The following DOP1B variants were observed in gnomAD, a reference collection of about 807,000 sequenced individuals.
DOP1B encodes the protein DOP1 leucine zipper like protein B, also known as protein DOP1B.
A neutral mutation model predicts 233.5 loss-of-function variants in DOP1B; 174 were observed. That is an observed-to-expected ratio of 0.75 (90% CI 0.66 to 0.85). DOP1B has a LOEUF of 0.85. DOP1B is among the 40% of genes least tolerant of loss of function. The pLI is 0.00. For missense variants in DOP1B, 2,652 were observed against 2,846.6 expected (o/e 0.93, Z 1.56); for synonymous variants, 1,190 against 1,185.6 (o/e 1.00, Z -0.08).
At chr21:36,206,178 A>G (rs977942512) in intron 4 of DOP1B, among the ~76,000 whole-genome samples, 6 of 152,260 alleles carry the variant, frequency 3.9e-5, no homozygotes, top group South Asian at 4.1e-4. Flanking sequence ...TGTTGTTTCT[A>G]CTATGATGTC....
intron 2 of DOP1B, among the ~76,000 whole-genome samples, chr21:36,181,287 T>A (rs1250828100): frequency 6.6e-6 from 1 of 152,106 alleles, no homozygotes; most frequent in Non-Finnish European, 1.5e-5. Flanking sequence ...GTCTTCTTTT[T>A]TTTTTTTTTG....
In DOP1B at chr21:36,230,517, A is replaced by T. The variant is rs1294836089; in HGVS notation, c.1733A>T (p.Asp578Val). ...ETKAVIPGDEDASFPPLKSED... is the reference protein window; with the variant it reads ...ETKAVIPGDEVASFPPLKSED... ...AAGGCAGTGATTCCCGGTGACGAAG[A>T]TGCTTCGTTTCCCCCTCTGAAGTCT... The change falls in exon 14 of 37, where the codon GAT becomes GTT. Residue 578 changes from aspartate (D) to valine (V), a missense_variant. Physicochemically the swap from Asp to Val is radical, Grantham distance 152 (BLOSUM62 -3). This residue lies in a region of DOP1B where 2,617 missense variants were observed against 2,794.3 expected (regional missense o/e 0.94). Transcript: ENST00000691173. 3 of 1,613,750 alleles carry T rather than the reference A, an allele frequency of 1.9e-6. No individual in the cohort carries two copies. The highest frequency in any genetic ancestry group is 2.5e-6 in the Non-Finnish European group (3 of 1,179,746).
chr21:36,225,138 A>T (rs2066667509), intron 11 of DOP1B, among the ~76,000 whole-genome samples: 1 of 152,156 alleles, frequency 6.6e-6, no homozygotes, highest in South Asian at 2.1e-4. Flanking sequence ...TAGTTATGAG[A>T]ACTACAAAAG....
chr21:36,181,472 T>C (rs12329673), intron 2 of DOP1B, among the ~76,000 whole-genome samples: 21,347 of 149,940 alleles, frequency 0.14, 1,813 homozygotes, highest in South Asian at 0.22. Context: ...AGAGACGGGG[T>C]TTCACCATGT....
chr21:36,266,295 G>T (rs1385376382), intron 26 of DOP1B, among the ~76,000 whole-genome samples: 2 of 152,130 alleles, frequency 1.3e-5, no homozygotes, highest in African/African-American at 4.8e-5. Flanking sequence ...TCTTGCCTCA[G>T]CCTCCCGAGT....
intron 20 of DOP1B, 59 bp downstream of exon 20, chr21:36,247,687 C>A: frequency 2.4e-6 from 3 of 1,276,204 alleles, no homozygotes; most frequent in Admixed American, 2.2e-5. Flanking sequence ...TGTCTTTGGG[C>A]TATGACTGTT....
intron 18 of DOP1B, among the ~76,000 whole-genome samples, chr21:36,240,648 G>T (rs1470501124): frequency 1.3e-5 from 2 of 152,198 alleles, no homozygotes; most frequent in Non-Finnish European, 2.9e-5. Flanking sequence ...AGAACTTCCA[G>T]AGGCATCTTT....
chr21:36,204,426 G>A (rs1366442764), intron 4 of DOP1B, among the ~76,000 whole-genome samples: 2 of 152,146 alleles, frequency 1.3e-5, no homozygotes, highest in African/African-American at 2.4e-5. Context: ...TACCCTCTTA[G>A]GGCCCCTATC....
chr21:36,157,140 CG>C (rs947884623), intron 1 of DOP1B, among the ~76,000 whole-genome samples, 197 bp downstream of exon 1: 3 of 151,970 alleles, frequency 2.0e-5, no homozygotes, highest in Non-Finnish European at 4.4e-5. Context: ...TGCTGCAGTG[CG>C]GGGGCGGAGA....
chr21:36,211,198 A>C (rs1478256417), intron 5 of DOP1B, among the ~76,000 whole-genome samples: 1 of 152,224 alleles, frequency 6.6e-6, no homozygotes, highest in Non-Finnish European at 1.5e-5. Flanking sequence ...AGACACTCAG[A>C]ATATCTACTG....
intron 4 of DOP1B, among the ~76,000 whole-genome samples, chr21:36,201,143 C>T (rs1206257271): frequency 1.3e-5 from 2 of 152,070 alleles, no homozygotes; most frequent in South Asian, 2.1e-4. Context: ...CCTCTTAGGG[C>T]GCCTAGTGTG....
intron 2 of DOP1B, among the ~76,000 whole-genome samples, chr21:36,168,345 T>C (rs2065936046): frequency 6.6e-6 from 1 of 152,172 alleles, no homozygotes; most frequent in Non-Finnish European, 1.5e-5. Context: ...AAGCTTTTGT[T>C]TGAACCTCAG....
chr21:36,273,751 A>G (rs1436875362), intron 27 of DOP1B, among the ~76,000 whole-genome samples: 1 of 152,216 alleles, frequency 6.6e-6, no homozygotes, highest in East Asian at 1.9e-4. Context: ...GTGGAGACTG[A>G]TGAGACTGAT....
intron 26 of DOP1B, among the ~76,000 whole-genome samples, chr21:36,264,294 C>T (rs903322097): frequency 6.6e-6 from 1 of 152,048 alleles, no homozygotes; most frequent in African/African-American, 2.4e-5. Context: ...ATAGCTACAC[C>T]TATAGTCCCA....
At chr21:36,166,731 T>C (rs1300604520) in intron 2 of DOP1B, among the ~76,000 whole-genome samples, 1 of 152,126 alleles carries the variant, frequency 6.6e-6, no homozygotes, top group Non-Finnish European at 1.5e-5. Flanking sequence ...ACTCTGCAGA[T>C]CTCAGCTCCC....
At position 36,247,447 on chromosome 21, in the gene DOP1B, T is replaced by C. The variant is rs2066980298; in HGVS notation, c.4698-70T>C. The C allele has an allele frequency of 3.7e-6, 4 of 1,074,902 alleles. No homozygotes were observed. In the East Asian group the frequency reaches 1.0e-4, roughly 27 times the overall value. 66.6% of individuals were successfully genotyped at this position (1,074,902 alleles called of 1,614,324 possible). A position where few individuals can be genotyped will look rare whatever the true frequency, so the allele number is the denominator to read the frequency against. On this transcript the variant is annotated intron_variant, in intron 19 of 36. Transcript: ENST00000691173. ...TCTCCCTAGTTCCTGTGTTTATATA[T>C]AGGATTAGAAACCCTTATGGCCTCA...
chr21:36,238,969 G>A (rs1449343660), intron 17 of DOP1B, among the ~76,000 whole-genome samples: 4 of 152,142 alleles, frequency 2.6e-5, no homozygotes, highest in Non-Finnish European at 5.9e-5. Flanking sequence ...TGGGCGTGGT[G>A]GTGGGCACCT....
chr21:36,186,758 C>T (rs578145082), intron 2 of DOP1B, among the ~76,000 whole-genome samples: 3 of 152,260 alleles, frequency 2.0e-5, no homozygotes, highest in Admixed American at 6.5e-5. Flanking sequence ...AGCTCCAGCT[C>T]GTTCTTCAGT....
At chr21:36,230,334 A>G in intron 13 of DOP1B, 116 bp from the exon 14 acceptor site, 2 of 1,232,064 alleles carry the variant, frequency 1.6e-6, no homozygotes, top group South Asian at 3.1e-5. Context: ...GGGATTCTCT[A>G]GTCTGGAGAG....
Sources: allele counts gnomAD v4.1 joint callset (sites outside exome capture counted in the v4.1 genomes callset), GRCh38; gene constraint gnomAD v4.1.1; regional missense constraint gnomAD v4.1.1; transcripts MANE v1.5; gene names NCBI Gene and HGNC (gene_info 2026-07-23, HGNC 2026-07-21).